Variants in SLC35F3 observed in about 807,000 individuals in gnomAD.
SLC35F3 encodes the protein putative thiamine transporter SLC35F3.
SLC35F3 carries 25 observed loss-of-function variants against 49.9 expected under a neutral mutation model. That is an observed-to-expected ratio of 0.50 (90% confidence interval 0.37 to 0.70). The LOEUF is 0.70. SLC35F3 is among the 30% of genes least tolerant of loss of function. The pLI is 0.00. For synonymous variants in SLC35F3, 275 were observed against 265.4 expected (o/e 1.04, Z -0.35); for missense variants, 525 against 639.8 (o/e 0.82, Z 1.94).
chr1:233,963,424 C>T (rs1326786501), intron 2 of SLC35F3, among the ~76,000 whole-genome samples: 1 of 152,068 alleles, frequency 6.6e-6, no homozygotes, highest in Non-Finnish European at 1.5e-5. Context: ...CCTCAGCCTC[C>T]CAAGTAGCTG....
intron 2 of SLC35F3, among the ~76,000 whole-genome samples, chr1:234,122,057 A>T (rs956094296): frequency 6.6e-6 from 1 of 152,224 alleles, no homozygotes; most frequent in South Asian, 2.1e-4. Context: ...TAGTAACAAG[A>T]TTTATAATCC....
At chr1:234,302,469 T>C (rs1364041060) in intron 3 of SLC35F3, among the ~76,000 whole-genome samples, 4 of 151,996 alleles carry the variant, frequency 2.6e-5, no homozygotes, top group South Asian at 2.1e-4. Context: ...GGCAAGGTCA[T>C]GGAGAACTTG....
chr1:233,939,151 G>A (rs1170148684), intron 2 of SLC35F3, among the ~76,000 whole-genome samples: 1 of 152,108 alleles, frequency 6.6e-6, no homozygotes, highest in Non-Finnish European at 1.5e-5. Context: ...CATAGATACT[G>A]GTATAGTTAA....
intron 2 of SLC35F3, among the ~76,000 whole-genome samples, chr1:234,003,764 T>C (rs1278917503): frequency 1.3e-5 from 2 of 152,058 alleles, no homozygotes; most frequent in African/African-American, 4.8e-5. Context: ...CACATGATAG[T>C]CAAACGACAA....
At chr1:233,952,982 G>C (rs1237897942) in intron 2 of SLC35F3, among the ~76,000 whole-genome samples, 1 of 152,112 alleles carries the variant, frequency 6.6e-6, no homozygotes, top group Admixed American at 6.5e-5. Flanking sequence ...CTTCCCAAAT[G>C]GAGGGCTCTG....
In SLC35F3 at chr1:234,097,820, G is replaced by A. The variant is rs541680777; in HGVS notation, c.284-133597G>A. On this transcript the variant is annotated intron_variant, in intron 2 of 7. Transcript: ENST00000366618. ...AGGCCATGACAGAAAATACAGGTGT[G>A]GTAGAGATAAGAATTTTGCATATAT... Among the ~76,000 whole-genome samples, 3 of 152,306 alleles carry A rather than the reference G, an allele frequency of 2.0e-5. No individual in the cohort carries two copies. The East Asian group carries it at 5.8e-4, about 29-fold the overall frequency.
intron 3 of SLC35F3, among the ~76,000 whole-genome samples, chr1:234,279,700 G>C (rs181639394): frequency 6.6e-6 from 1 of 152,360 alleles, no homozygotes; most frequent in East Asian, 1.9e-4. Flanking sequence ...TGCCTGTGGA[G>C]TGGGCCTGGG....
chr1:234,152,727 C>G (rs556579560), intron 2 of SLC35F3, among the ~76,000 whole-genome samples: 136 of 152,090 alleles, frequency 8.9e-4, no homozygotes, highest in African/African-American at 2.9e-3. Flanking sequence ...ATTTATAATC[C>G]TTTGGGTATA....
At chr1:233,978,890 T>C (rs1351231032) in intron 2 of SLC35F3, among the ~76,000 whole-genome samples, 6 of 151,670 alleles carry the variant, frequency 4.0e-5, no homozygotes, top group Middle Eastern at 6.3e-3. Context: ...AATTAGTATT[T>C]TTAGACCTGG....
chr1:234,083,647 G>A (rs1372846682), intron 2 of SLC35F3, among the ~76,000 whole-genome samples: 1 of 152,110 alleles, frequency 6.6e-6, no homozygotes, highest in African/African-American at 2.4e-5. Flanking sequence ...ATGAAAGGCT[G>A]GATAAGCATT....
At chr1:234,123,912 G>A (rs925952369) in intron 2 of SLC35F3, among the ~76,000 whole-genome samples, 1 of 152,190 alleles carries the variant, frequency 6.6e-6, no homozygotes, top group African/African-American at 2.4e-5. Context: ...GGAAGAGACA[G>A]TTATTCATTT....
chr1:234,213,236 A>T (rs1014035561), intron 2 of SLC35F3: 7 of 152,264 alleles, frequency 4.6e-5, no homozygotes, highest in Non-Finnish European at 7.3e-5. Context: ...ATGACATAAT[A>T]CAATGAAGTT....
At chr1:234,073,322 A>T (rs547457102) in intron 2 of SLC35F3, among the ~76,000 whole-genome samples, 3 of 152,094 alleles carry the variant, frequency 2.0e-5, no homozygotes, top group Admixed American at 6.5e-5. Context: ...TTAAAAAAAA[A>T]TTTTGTAGAG....
At chr1:234,083,457 A>G (rs1664912625) in intron 2 of SLC35F3, among the ~76,000 whole-genome samples, 1 of 152,138 alleles carries the variant, frequency 6.6e-6, no homozygotes, top group Non-Finnish European at 1.5e-5. Flanking sequence ...CTTTCTGTTG[A>G]GTTGTTCCAT....
chr1:234,053,779 C>T (rs2102858889), intron 2 of SLC35F3, among the ~76,000 whole-genome samples: 1 of 152,252 alleles, frequency 6.6e-6, no homozygotes, highest in Non-Finnish European at 1.5e-5. Context: ...GTGGCTGGTA[C>T]CATTTGTTCC....
chr1:234,019,815 A>G (rs7522466), intron 2 of SLC35F3, among the ~76,000 whole-genome samples: 4,634 of 152,248 alleles, frequency 0.03, 216 homozygotes, highest in African/African-American at 0.1. Context: ...TTAAAATTCA[A>G]GTCTCAGAAA....
intron 2 of SLC35F3, among the ~76,000 whole-genome samples, chr1:234,205,509 T>G (rs1666956536): frequency 6.7e-6 from 1 of 150,076 alleles, no homozygotes; most frequent in South Asian, 2.1e-4. Flanking sequence ...ATGCTGGAGT[T>G]GTACTTGAAC....
intron 2 of SLC35F3, among the ~76,000 whole-genome samples, chr1:234,209,093 T>A (rs981340810): frequency 1.3e-5 from 2 of 152,176 alleles, no homozygotes; most frequent in African/African-American, 4.8e-5. Context: ...AATGATCTCA[T>A]CAAGATATTA....
chr1:234,118,802 G>C (rs1421951213), intron 2 of SLC35F3, among the ~76,000 whole-genome samples: 2 of 151,938 alleles, frequency 1.3e-5, no homozygotes, highest in East Asian at 3.9e-4. Context: ...CAACTCTTCT[G>C]ATTCAAAAAG....
Sources: allele counts gnomAD v4.1 joint callset (sites outside exome capture counted in the v4.1 genomes callset), GRCh38; gene constraint gnomAD v4.1.1; transcripts MANE v1.5; gene names NCBI Gene and HGNC (gene_info 2026-07-23, HGNC 2026-07-21).